The following CDH13 variants were observed in gnomAD, a reference collection of about 807,000 sequenced individuals.
CDH13 encodes the protein cadherin-13.
A neutral mutation model predicts 63.8 loss-of-function variants in CDH13; 24 were observed. That is an observed-to-expected ratio of 0.38 (90% CI 0.27 to 0.53). The LOEUF (loss-of-function observed/expected upper bound fraction) is 0.53, where lower values mean the gene tolerates loss of function less well. Ranked by LOEUF, CDH13 falls within the 20% of genes least tolerant of loss-of-function variation. CDH13 has a pLI of 0.85. For missense variants in CDH13, 1,049 were observed against 903.1 expected (o/e 1.16, Z -2.07); for synonymous variants, 503 against 355.3 (o/e 1.42, Z -4.67).
intron 4 of CDH13, among the ~76,000 whole-genome samples, chr16:83,199,482 G>C (rs1267830343): frequency 6.6e-6 from 1 of 152,070 alleles, no homozygotes; most frequent in Non-Finnish European, 1.5e-5. Flanking sequence ...ACCTCTCTGG[G>C]TCTCCTTAAC....
intron 2 of CDH13, among the ~76,000 whole-genome samples, chr16:82,906,331 G>A (rs7184577): frequency 6.6e-6 from 1 of 151,912 alleles, no homozygotes; most frequent in East Asian, 1.9e-4. Context: ...ACACATGATT[G>A]GCCCTTAGTC....
intron 2 of CDH13, among the ~76,000 whole-genome samples, chr16:82,872,191 C>A (rs540490702): frequency 6.6e-6 from 1 of 152,262 alleles, no homozygotes; most frequent in South Asian, 2.1e-4. Context: ...TTTTTAGAAC[C>A]CAGCATACAC....
At chr16:82,820,823 C>T (rs1444696419) in intron 1 of CDH13, among the ~76,000 whole-genome samples, 1 of 152,082 alleles carries the variant, frequency 6.6e-6, no homozygotes, top group Non-Finnish European at 1.5e-5. Flanking sequence ...GGTAAATATT[C>T]CATTTTCTTA....
At chr16:82,979,903 T>C (rs1283772109) in intron 2 of CDH13, among the ~76,000 whole-genome samples, 2 of 152,230 alleles carry the variant, frequency 1.3e-5, no homozygotes, top group Non-Finnish European at 2.9e-5. Flanking sequence ...AATCTTGGAA[T>C]ACTAGCATTG....
intron 8 of CDH13, among the ~76,000 whole-genome samples, chr16:83,659,785 C>CT (rs35285231): frequency 0.26 from 31,465 of 122,890 alleles, 4,648 homozygotes; most frequent in East Asian, 0.36. Flanking sequence ...AGTCCACAAC[C>CT]TTTTTTTTTT....
chr16:83,522,243 CT>C (rs2074855462), intron 7 of CDH13, among the ~76,000 whole-genome samples: 2 of 152,340 alleles, frequency 1.3e-5, no homozygotes, highest in South Asian at 4.1e-4. Context: ...GCCATAACAG[CT>C]GCTTCGGGTC....
intron 5 of CDH13, among the ~76,000 whole-genome samples, chr16:83,290,089 C>G (rs929894): frequency 0.84 from 128,195 of 152,188 alleles, 54,352 homozygotes; most frequent in South Asian, 0.91. Context: ...ATACTCTTTT[C>G]TGTCACCTTC....
intron 7 of CDH13, among the ~76,000 whole-genome samples, chr16:83,568,408 A>G (rs907435442): frequency 2.0e-5 from 3 of 152,170 alleles, no homozygotes; most frequent in African/African-American, 7.2e-5. Flanking sequence ...AAATTCAACG[A>G]TTACTTGTTC....
intron 1 of CDH13, among the ~76,000 whole-genome samples, chr16:82,674,109 A>C (rs1319020992): frequency 1.3e-5 from 2 of 152,150 alleles, no homozygotes; most frequent in Non-Finnish European, 1.5e-5. Context: ...TGCAGTCTTG[A>C]AATTCTTGAT....
At chr16:82,674,393 G>GA (rs1913652825) in intron 1 of CDH13, among the ~76,000 whole-genome samples, 4 of 152,190 alleles carry the variant, frequency 2.6e-5, no homozygotes, top group Admixed American at 2.6e-4. Flanking sequence ...TATTTGAAAT[G>GA]AATGTGAGAT....
At chr16:83,513,554 A>G (rs1242891192) in intron 7 of CDH13, among the ~76,000 whole-genome samples, 2 of 152,180 alleles carry the variant, frequency 1.3e-5, no homozygotes, top group African/African-American at 2.4e-5. Flanking sequence ...ACTTACAATC[A>G]TGGCAGAAGG....
chr16:83,277,703 T>G (rs1161554758), intron 5 of CDH13, among the ~76,000 whole-genome samples: 1 of 152,148 alleles, frequency 6.6e-6, no homozygotes, highest in Non-Finnish European at 1.5e-5. Context: ...TTCCCTTAAG[T>G]CAAACGTGAA....
chr16:83,335,526 G>C (rs529994610), intron 5 of CDH13, among the ~76,000 whole-genome samples: 14 of 152,110 alleles, frequency 9.2e-5, no homozygotes, highest in Non-Finnish European at 1.9e-4. Context: ...CTTGCCCTAA[G>C]GGAGGAGACC....
chr16:82,730,612 G>A (rs150336649), intron 1 of CDH13, among the ~76,000 whole-genome samples: 322 of 152,296 alleles, frequency 2.1e-3, no homozygotes, highest in African/African-American at 7.5e-3. Flanking sequence ...TTGCAGGAAA[G>A]ACCAAAATGT....
chr16:83,458,242 C>A (rs943693629), intron 6 of CDH13, among the ~76,000 whole-genome samples: 1 of 152,182 alleles, frequency 6.6e-6, no homozygotes, highest in Non-Finnish European at 1.5e-5. Context: ...ACACCTGGTT[C>A]TTTGGGCTGT....
intron 1 of CDH13, among the ~76,000 whole-genome samples, chr16:82,730,290 A>T (rs978981512): frequency 2.3e-4 from 35 of 152,162 alleles, no homozygotes; most frequent in African/African-American, 6.8e-4. Flanking sequence ...CTAGCTTTTG[A>T]TTTAAAGTGA....
At chr16:82,925,747 C>G (rs557886744) in intron 2 of CDH13, among the ~76,000 whole-genome samples, 1 of 152,282 alleles carries the variant, frequency 6.6e-6, no homozygotes, top group African/African-American at 2.4e-5. Context: ...TAAGAGCAGC[C>G]CATTGCTAGC....
At chr16:83,477,229 C>G (rs2073628673) in intron 6 of CDH13, among the ~76,000 whole-genome samples, 1 of 152,196 alleles carries the variant, frequency 6.6e-6, no homozygotes, top group African/African-American at 2.4e-5. Flanking sequence ...CCTTTGAAAA[C>G]AGATGGAGAC....
chr16:83,462,195 C>T (rs1328745790), intron 6 of CDH13, among the ~76,000 whole-genome samples: 1 of 152,216 alleles, frequency 6.6e-6, no homozygotes, highest in African/African-American at 2.4e-5. Flanking sequence ...CCCCTGCAGG[C>T]AAACCTGTGG....
Sources: gnomAD v4.1 joint callset for allele counts (sites outside exome capture counted in the v4.1 genomes callset) on GRCh38, gnomAD v4.1.1 for gene constraint, MANE v1.5 for transcripts, NCBI Gene and HGNC (gene_info 2026-07-23, HGNC 2026-07-21) for gene names.